TMC7: variants seen among roughly 807,000 people sequenced by gnomAD.
TMC7 encodes the protein transmembrane channel like 7, also known as transmembrane channel-like protein 7.
Under a neutral mutation model 82.9 loss-of-function variants are expected in TMC7, and 54 were observed. The ratio of observed to expected loss-of-function variants is 0.65; its 90% CI spans 0.52 to 0.82. TMC7 has a LOEUF of 0.82. TMC7 is among the 40% of genes least tolerant of loss of function. The pLI, the probability that TMC7 is intolerant of heterozygous loss-of-function variation, is 0.00. For synonymous variants in TMC7, 350 were observed against 337.9 expected, an observed-to-expected ratio of 1.04 and a Z score of -0.39; for missense variants, 820 against 901.2, an observed-to-expected ratio of 0.91 and a Z score of 1.15.
chr16:18,989,093 T>C (rs12448116), intron 1 of TMC7, among the ~76,000 whole-genome samples: 4,254 of 152,156 alleles, frequency 0.028, 101 homozygotes, highest in East Asian at 0.058. Flanking sequence ...TGAACAACTA[T>C]TCTTTGGACG....
intron 1 of TMC7, among the ~76,000 whole-genome samples, chr16:19,001,648 A>C (rs911463215): frequency 6.6e-6 from 1 of 152,184 alleles, no homozygotes; most frequent in Non-Finnish European, 1.5e-5. Context: ...GTACCACTGC[A>C]CTCCAGCCTG....
intron 1 of TMC7, among the ~76,000 whole-genome samples, chr16:18,996,560 A>G (rs2039046663): frequency 6.6e-6 from 1 of 152,222 alleles, no homozygotes. Context: ...AGAAGAAAAT[A>G]AGGCATTTAA....
intron 8 of TMC7, among the ~76,000 whole-genome samples, chr16:19,038,677 C>T (rs941709595): frequency 6.6e-6 from 1 of 151,878 alleles, no homozygotes; most frequent in Admixed American, 6.6e-5. Flanking sequence ...CCACCACACC[C>T]AGCTAATTTT....
rs772012445 is a variant in TMC7, at chr16:19,021,777, C to T, written c.609C>T (p.Leu203=). The part of the protein sequence containing the change: ...KYKITNSSFV[L]IPFKDMDKQC... ...AGATCACCAACAGCAGCTTCGTGCTCATTCCTTTCAAAGACATGGGTGAGT... is the reference window on the plus strand; with the variant it reads ...AGATCACCAACAGCAGCTTCGTGCTTATTCCTTTCAAAGACATGGGTGAGT... The change falls in exon 4 of 16, where the codon CTC becomes CTT. Residue 203 remains leucine (L), a synonymous_variant. Transcript: ENST00000304381. 1.2e-6 allele frequency: 2 copies of T among 1,614,160 alleles called. No homozygotes were observed. The highest frequency in any genetic ancestry group is 8.5e-7 in the Non-Finnish European group (1 of 1,180,026).
intron 1 of TMC7, among the ~76,000 whole-genome samples, chr16:18,988,156 C>CTTTTT (rs760359195): frequency 7.8e-6 from 1 of 128,978 alleles, no homozygotes; most frequent in African/African-American, 2.9e-5. Flanking sequence ...TTCTCTCTTT[C>CTTTTT]TTTTTTTTTT....
intron 3 of TMC7, among the ~76,000 whole-genome samples, chr16:19,018,881 G>C (rs769765251): frequency 6.6e-6 from 1 of 151,880 alleles, no homozygotes; most frequent in East Asian, 1.9e-4. Flanking sequence ...ACAAAGTTTC[G>C]CTCTTGTTGC....
intron 9 of TMC7, among the ~76,000 whole-genome samples, chr16:19,043,759 A>G (rs2142278544): frequency 6.6e-6 from 1 of 151,684 alleles, no homozygotes; most frequent in Admixed American, 6.6e-5. Context: ...TGTAGTGGAG[A>G]CGGGGTTTCT....
At chr16:19,010,034 CCTCCTTTCTTTCTT>C (rs1334930331) in intron 2 of TMC7, among the ~76,000 whole-genome samples, 4 of 147,354 alleles carry the variant, frequency 2.7e-5, no homozygotes, top group African/African-American at 1.0e-4. Context: ...TCCCTCCCTC[CCTCCTTTCTTTCTT>C]TTTCTTTCTT....
At chr16:19,037,748 C>A in intron 7 of TMC7, 126 bp from the exon 8 acceptor site, 2 of 1,035,022 alleles carry the variant, frequency 1.9e-6, no homozygotes, top group Non-Finnish European at 2.8e-6. Flanking sequence ...GCTAGGGTTA[C>A]AGGAGTGAGC....
chr16:19,034,062 A>G (rs1960633598), intron 6 of TMC7, among the ~76,000 whole-genome samples: 1 of 152,208 alleles, frequency 6.6e-6, no homozygotes, highest in African/African-American at 2.4e-5. Context: ...TGAATGAATA[A>G]AAATATGCAA....
At chr16:19,027,082 T>TTC (rs1331388403) in intron 5 of TMC7, among the ~76,000 whole-genome samples, 1 of 135,618 alleles carries the variant, frequency 7.4e-6, no homozygotes, top group Non-Finnish European at 1.6e-5. Context: ...TTTTTTTTTT[T>TTC]TTTTTAAAGA....
chr16:19,007,934 A>G (rs2039271426), intron 1 of TMC7, among the ~76,000 whole-genome samples: 1 of 152,172 alleles, frequency 6.6e-6, no homozygotes. Context: ...TCCAGATATG[A>G]CATATGGTAG....
chr16:18,985,830 T>G (rs1596706086), intron 1 of TMC7, among the ~76,000 whole-genome samples: 1 of 137,246 alleles, frequency 7.3e-6, no homozygotes, highest in South Asian at 2.7e-4. Context: ...GTCCGTGGGG[T>G]GGGGCGGGGG....
intron 1 of TMC7, among the ~76,000 whole-genome samples, chr16:19,003,568 T>C (rs2039180588): frequency 2.0e-5 from 3 of 147,704 alleles, no homozygotes; most frequent in South Asian, 4.4e-4. Context: ...AGGATGACAA[T>C]GGCGGCTTTG....
chr16:19,017,910 T>C (rs1341656458), intron 3 of TMC7, among the ~76,000 whole-genome samples: 2 of 152,194 alleles, frequency 1.3e-5, no homozygotes, highest in Non-Finnish European at 2.9e-5. Flanking sequence ...GACCTCGTCA[T>C]CCGCCCTTCT....
chr16:19,056,954 G>A (rs1221905952), intron 14 of TMC7, among the ~76,000 whole-genome samples: 2 of 98,472 alleles, frequency 2.0e-5, no homozygotes, highest in African/African-American at 6.5e-5. Flanking sequence ...GGGACACCCC[G>A]ACTCTACAAA....
At chr16:18,994,590 G>A (rs2039008615) in intron 1 of TMC7, among the ~76,000 whole-genome samples, 1 of 152,180 alleles carries the variant, frequency 6.6e-6, no homozygotes, top group East Asian at 1.9e-4. Flanking sequence ...GGGGAGTGGG[G>A]AAAGGAGTTA....
rs773036734 is a variant in TMC7 at position 19,045,418 on chromosome 16, C to T, written c.1533C>T (p.Leu511=). ...FDFIIILAVT[L]FVDFPRKLLV... is the part of the protein sequence containing the mutation. ...TCATCATCATCTTGGCTGTGACACTCTTCGTGGATTTTCCTAGAAAGTAAG... is the reference window on the plus strand; with the variant it reads ...TCATCATCATCTTGGCTGTGACACTTTTCGTGGATTTTCCTAGAAAGTAAG... Residue 511 remains leucine (L), a synonymous_variant, in exon 11 of 16, where the codon CTC becomes CTT. Coordinates refer to ENST00000304381, the MANE Select transcript of TMC7 (RefSeq NM_024847.4). 6.2e-7 allele frequency: 1 copy of T among 1,613,736 alleles called. No homozygotes were observed. The highest frequency in any genetic ancestry group is 8.5e-7 in the Non-Finnish European group (1 of 1,179,926).
chr16:19,032,415 G>T (rs1960558310), intron 6 of TMC7, among the ~76,000 whole-genome samples: 1 of 152,114 alleles, frequency 6.6e-6, no homozygotes, highest in South Asian at 2.1e-4. Context: ...GAGATGCTTG[G>T]TAAAGAAATA....
Sources: allele counts gnomAD v4.1 joint callset (sites outside exome capture counted in the v4.1 genomes callset), GRCh38; gene constraint gnomAD v4.1.1; transcripts MANE v1.5; gene names NCBI Gene and HGNC (gene_info 2026-07-23, HGNC 2026-07-21).